ACSBG1: variants seen among roughly 807,000 people sequenced by gnomAD.
ACSBG1 encodes long-chain-fatty-acid--CoA ligase ACSBG1.
In ACSBG1, 39 loss-of-function variants were observed where a neutral mutation model predicts 80.2. The observed-to-expected ratio is 0.49, with a 90% CI of 0.38 to 0.64. The LOEUF is 0.64. Among genes scored for constraint, ACSBG1 ranks in the 30% least tolerant of loss-of-function variants. The pLI, the probability that ACSBG1 is intolerant of heterozygous loss-of-function variation, is 0.00. For synonymous variants in ACSBG1, 392 were observed against 379.5 expected, an observed-to-expected ratio of 1.03 and a Z score of -0.38; for missense variants, 828 against 966.4, an observed-to-expected ratio of 0.86 and a Z score of 1.90.
chr15:78,229,391 C>G (rs1168449174), intron 1 of ACSBG1, among the ~76,000 whole-genome samples: 14 of 152,188 alleles, frequency 9.2e-5, no homozygotes, highest in Admixed American at 9.2e-4. Flanking sequence ...CCCAGATAGT[C>G]CATGTTTAAG....
At chr15:78,234,320 C>A in intron 1 of ACSBG1, 51 bp downstream of exon 1, 1 of 1,593,734 alleles carries the variant, frequency 6.3e-7, no homozygotes, top group South Asian at 1.1e-5. Context: ...AGAGCAAAGT[C>A]TAGAACTCGG....
intron 3 of ACSBG1, 103 bp downstream of exon 3, chr15:78,194,402 TA>T: frequency 1.9e-6 from 2 of 1,080,284 alleles, no homozygotes; most frequent in Non-Finnish European, 2.7e-6. Context: ...TTATTGTTCC[TA>T]AGAGCCTTGC....
At position 78,204,401 on chromosome 15, in the gene ACSBG1, G is replaced by A. The variant is rs554243313; in HGVS notation, c.232+3601C>T. ...CTGGGTCTCCATCCACTGGAGAGAA[G>A]CCGGGTCTGAGCAAGAACCCGGGCA... On this transcript the variant is annotated intron_variant, in intron 2 of 13. Transcript: ENST00000258873. Among the ~76,000 whole-genome samples, 111 of 152,320 alleles carry A rather than the reference G, an allele frequency of 7.3e-4. No individual in the cohort carries two copies. The South Asian group carries it at 8.3e-3, about 11-fold the overall frequency.
chr15:78,187,590 T>C (rs370729767), intron 5 of ACSBG1, among the ~76,000 whole-genome samples: 8 of 152,174 alleles, frequency 5.3e-5, no homozygotes, highest in East Asian at 3.8e-4. Context: ...ATTATCTCAA[T>C]AGATGCAGAA....
intron 2 of ACSBG1, among the ~76,000 whole-genome samples, chr15:78,196,164 C>T (rs1417055531): frequency 6.6e-6 from 1 of 152,186 alleles, no homozygotes; most frequent in Non-Finnish European, 1.5e-5. Flanking sequence ...GGATGGATGC[C>T]CATGCCACTG....
chr15:78,220,373 A>G (rs368833079), intron 1 of ACSBG1, among the ~76,000 whole-genome samples: 1 of 152,378 alleles, frequency 6.6e-6, no homozygotes, highest in East Asian at 1.9e-4. Flanking sequence ...CTGTAAAAAT[A>G]TTAAAAGAAA....
At chr15:78,199,456 A>T (rs1343768026) in intron 2 of ACSBG1, among the ~76,000 whole-genome samples, 2 of 151,404 alleles carry the variant, frequency 1.3e-5, no homozygotes, top group African/African-American at 4.8e-5. Flanking sequence ...GCACTTTGGG[A>T]GGCCAAGGCA....
At chr15:78,206,007 C>T (rs568596652) in intron 2 of ACSBG1, among the ~76,000 whole-genome samples, 29 of 152,256 alleles carry the variant, frequency 1.9e-4, no homozygotes, top group African/African-American at 6.7e-4. Context: ...CACGCTGTAG[C>T]GCAGAGGCTC....
intron 1 of ACSBG1, among the ~76,000 whole-genome samples, chr15:78,210,101 C>T (rs1028562072): frequency 8.5e-5 from 13 of 152,196 alleles, no homozygotes; most frequent in Non-Finnish European, 1.5e-4. Flanking sequence ...CTTCTTGCTG[C>T]GGGTGGGTGC....
At chr15:78,199,933 C>T (rs916633136) in intron 2 of ACSBG1, among the ~76,000 whole-genome samples, 1 of 152,108 alleles carries the variant, frequency 6.6e-6, no homozygotes, top group Non-Finnish European at 1.5e-5. Flanking sequence ...CACGGTTGGG[C>T]CCTCTCATAA....
At chr15:78,192,169 C>A (rs1371745821) in intron 5 of ACSBG1, among the ~76,000 whole-genome samples, 1 of 152,116 alleles carries the variant, frequency 6.6e-6, no homozygotes, top group Admixed American at 6.5e-5. Flanking sequence ...GGCCAGCCAA[C>A]CCCAGAAGCC....
At chr15:78,196,522 G>C (rs1476515264) in intron 2 of ACSBG1, among the ~76,000 whole-genome samples, 4 of 152,186 alleles carry the variant, frequency 2.6e-5, no homozygotes, top group African/African-American at 9.7e-5. Flanking sequence ...GTGGGAATGA[G>C]ATGGGACAGC....
chr15:78,225,150 A>G (rs2141389089), intron 1 of ACSBG1, among the ~76,000 whole-genome samples: 1 of 152,340 alleles, frequency 6.6e-6, no homozygotes, highest in Non-Finnish European at 1.5e-5. Context: ...CTGTAATCCC[A>G]GCACTTTGGG....
intron 8 of ACSBG1, 93 bp from the exon 9 acceptor site, chr15:78,181,029 C>T (rs1420458599): frequency 6.2e-6 from 9 of 1,456,998 alleles, no homozygotes; most frequent in Non-Finnish European, 8.4e-6. Flanking sequence ...GTGGCACACA[C>T]ATGCTCCAAC....
Position 78,171,426 on chromosome 15 carries a change from T to C in ACSBG1, c.*18A>G. The C allele has an allele frequency of 6.2e-7, 1 of 1,606,698 alleles. No homozygotes were observed. The highest frequency in any genetic ancestry group is 2.2e-5 in the East Asian group (1 of 44,826). On this transcript the variant is annotated 3_prime_UTR_variant, in exon 14 of 14. Coordinates refer to ENST00000258873, the MANE Select transcript of ACSBG1 (RefSeq NM_015162.5). ...CGCCTGCCCTCTATTCTATAGAAAC[T>C]GCAGGCATAGGCCCTGATTACATTT...
intron 2 of ACSBG1, among the ~76,000 whole-genome samples, chr15:78,201,051 C>T (rs919401221): frequency 6.6e-6 from 1 of 152,192 alleles, no homozygotes; most frequent in African/African-American, 2.4e-5. Context: ...ATCACATGCC[C>T]ACACTTTACC....
intron 9 of ACSBG1, among the ~76,000 whole-genome samples, chr15:78,180,397 TG>T (rs1405368355): frequency 6.6e-6 from 1 of 152,196 alleles, no homozygotes; most frequent in Non-Finnish European, 1.5e-5. Context: ...CTTGGGATGC[TG>T]AAAAGGCCGG....
At chr15:78,209,850 C>CT (rs1294082258) in intron 1 of ACSBG1, among the ~76,000 whole-genome samples, 8 of 152,244 alleles carry the variant, frequency 5.3e-5, no homozygotes, top group Non-Finnish European at 1.0e-4. Flanking sequence ...CTGTCCTTGG[C>CT]TGTAATGTCC....
chr15:78,207,789 C>T (rs747136736), intron 2 of ACSBG1: 56 of 571,630 alleles, frequency 9.8e-5, no homozygotes, highest in Middle Eastern at 9.1e-4. Flanking sequence ...GAAATCTCCC[C>T]ATCCCTCATT....
Sources: allele counts gnomAD v4.1 joint callset (sites outside exome capture counted in the v4.1 genomes callset), GRCh38; gene constraint gnomAD v4.1.1; transcripts MANE v1.5; gene names NCBI Gene and HGNC (gene_info 2026-07-23, HGNC 2026-07-21).